ZNF678: variants seen among roughly 807,000 people sequenced by gnomAD.
ZNF678 encodes zinc finger protein 678.
Under a neutral mutation model 3.0 loss-of-function variants are expected in ZNF678, and 5 were observed. That is an observed-to-expected ratio of 1.69 (90% confidence interval 0.88 to 3.56). ZNF678 has a LOEUF of 3.56. Among genes scored for constraint, ZNF678 ranks in the 30% most tolerant of loss-of-function variants. ZNF678 has a pLI of 0.00. For missense variants in ZNF678, 593 were observed against 605.0 expected (o/e 0.98, Z 0.21); for synonymous variants, 218 against 199.6 (o/e 1.09, Z -0.78).
At chr1:227,629,123 G>A (rs1327687957) in intron 1 of ZNF678, among the ~76,000 whole-genome samples, 4 of 152,180 alleles carry the variant, frequency 2.6e-5, no homozygotes, top group Admixed American at 6.5e-5. Flanking sequence ...CTATTGCATG[G>A]TTTTACTAGG....
rs191732736 is a variant in ZNF678 at position 227,574,244 on chromosome 1, C to G, written c.-164+10520C>G. On this transcript the variant is annotated intron_variant, in intron 1 of 3. Transcript: ENST00000343776. ...CTGTTTTTAGTTCTTTGAGGAAGCA[C>G]CACACTGTCTTCCACAATAGCTGAA... is the stretch of plus-strand genomic sequence containing the variant. 1.8e-3 allele frequency among the ~76,000 whole-genome samples: 275 copies of G among 152,306 alleles called. 1 individual carries two copies. Among genetic ancestry groups the G allele is most frequent in the African/African-American group, 6.3e-3 (263 of 41,564 alleles).
chr1:227,596,422 C>G (rs575318336), intron 1 of ZNF678, among the ~76,000 whole-genome samples: 9 of 152,300 alleles, frequency 5.9e-5, no homozygotes, highest in Admixed American at 3.3e-4. Flanking sequence ...CACCAGTAAT[C>G]AGAACGAAAC....
intron 1 of ZNF678, among the ~76,000 whole-genome samples, chr1:227,565,817 T>TCGCCCA (rs1482592590): frequency 6.6e-6 from 1 of 152,138 alleles, no homozygotes; most frequent in Non-Finnish European, 1.5e-5. Context: ...TGGAGCGCAG[T>TCGCCCA]GGCCTGATCT....
chr1:227,669,729 A>T (rs1659569037), intron 5 of ZNF678, among the ~76,000 whole-genome samples: 1 of 152,190 alleles, frequency 6.6e-6, no homozygotes, highest in South Asian at 2.1e-4. Flanking sequence ...CTGCAGATAA[A>T]AAAAACCCAT....
intron 3 of ZNF678, among the ~76,000 whole-genome samples, chr1:227,652,752 T>C (rs1243133216): frequency 3.9e-5 from 6 of 152,162 alleles, no homozygotes; most frequent in Non-Finnish European, 7.4e-5. Context: ...ATTGTTGTTC[T>C]TATGCATATT....
At chr1:227,572,490 T>C (rs1251542855) in intron 1 of ZNF678, among the ~76,000 whole-genome samples, 1 of 152,160 alleles carries the variant, frequency 6.6e-6, no homozygotes, top group Non-Finnish European at 1.5e-5. Context: ...GAAATGCAAT[T>C]GTAGCAAAGG....
At chr1:227,593,352 C>T (rs557888912) in intron 1 of ZNF678, among the ~76,000 whole-genome samples, 17 of 152,190 alleles carry the variant, frequency 1.1e-4, no homozygotes, top group Non-Finnish European at 2.2e-4. Flanking sequence ...AAGTCTTTAA[C>T]TTCGATGACC....
intron 1 of ZNF678, among the ~76,000 whole-genome samples, chr1:227,586,392 G>A (rs999274752): frequency 9.2e-5 from 14 of 152,030 alleles, no homozygotes; most frequent in South Asian, 2.1e-4. Flanking sequence ...AAAAAGTAAA[G>A]CAAGTGAGTA....
intron 1 of ZNF678, among the ~76,000 whole-genome samples, chr1:227,639,072 G>A (rs756600366): frequency 6.6e-6 from 1 of 152,202 alleles, no homozygotes; most frequent in Non-Finnish European, 1.5e-5. Flanking sequence ...TGGCCTGCTC[G>A]GGAAGGGATG....
chr1:227,580,052 C>T (rs1019067544), intron 1 of ZNF678, among the ~76,000 whole-genome samples: 4 of 152,270 alleles, frequency 2.6e-5, no homozygotes, highest in South Asian at 4.2e-4. Context: ...TCTTCCTGCT[C>T]GGGGTTCCAG....
In ZNF678 at chr1:227,599,074, C is replaced by T. The variant is rs762541115; in HGVS notation, c.-164+35350C>T. The T allele has an allele frequency of 3.6e-4, 571 of 1,597,048 alleles. 1 individual carries two copies. The highest frequency in any genetic ancestry group is 4.4e-4 in the Non-Finnish European group (514 of 1,168,032). ...GATTCAAATAATCCTGTATTGTTGGCCCTGAAGACTGGATTGGACCCCTTG... is the reference window on the plus strand; with the variant it reads ...GATTCAAATAATCCTGTATTGTTGGTCCTGAAGACTGGATTGGACCCCTTG... On this transcript the variant is annotated intron_variant, in intron 1 of 3. Transcript: ENST00000343776.
chr1:227,633,901 G>A (rs553616919), intron 1 of ZNF678, among the ~76,000 whole-genome samples: 32 of 152,310 alleles, frequency 2.1e-4, no homozygotes, highest in African/African-American at 7.7e-4. Context: ...GCAGCTAAGG[G>A]AATGCTGACA....
rs145400973 is a variant in ZNF678 at position 227,639,457 on chromosome 1, T to G, written c.-163-7087T>G. Among the ~76,000 whole-genome samples, 603 of 152,340 alleles carry G rather than the reference T, an allele frequency of 4.0e-3. 5 individuals carry two copies. Among genetic ancestry groups the G allele is most frequent in the African/African-American group, 0.014 (586 of 41,586 alleles). On this transcript the variant is annotated intron_variant, in intron 1 of 3. Coordinates refer to ENST00000343776, the MANE Select transcript of ZNF678 (RefSeq NM_001367909.1). ...AAGCTTCTGAAGCTTGCACCAAATA[T>G]CAGGGTTGGATTGGGAGATGAACCG...
intron 1 of ZNF678, among the ~76,000 whole-genome samples, chr1:227,574,445 G>A (rs1458689350): frequency 1.3e-5 from 2 of 152,204 alleles, no homozygotes; most frequent in African/African-American, 4.8e-5. Flanking sequence ...TTTGAAATAT[G>A]ATTTTTGGTT....
At chr1:227,639,627 G>T (rs1658768363) in intron 1 of ZNF678, among the ~76,000 whole-genome samples, 1 of 152,276 alleles carries the variant, frequency 6.6e-6, no homozygotes, top group African/African-American at 2.4e-5. Flanking sequence ...CTTTTTGAGT[G>T]CTGCAAGGAG....
At chr1:227,585,386 T>C (rs1387729747) in intron 1 of ZNF678, among the ~76,000 whole-genome samples, 1 of 152,178 alleles carries the variant, frequency 6.6e-6, no homozygotes, top group Non-Finnish European at 1.5e-5. Flanking sequence ...CTTAAATGGC[T>C]AATAAGTGAA....
At chr1:227,593,510 G>A (rs1250126441) in intron 1 of ZNF678, among the ~76,000 whole-genome samples, 4 of 152,124 alleles carry the variant, frequency 2.6e-5, no homozygotes, top group Non-Finnish European at 2.9e-5. Context: ...TGGCACTGGG[G>A]TCTTTATCGA....
Position 227,661,351 on chromosome 1 carries a change from T to A in ZNF678, c.*5523T>A, listed in dbSNP as rs1659401426. 6.6e-6 allele frequency: 1 copy of A among 152,074 alleles called. No homozygotes were observed. The highest frequency in any genetic ancestry group is 1.5e-5 in the Non-Finnish European group (1 of 68,006). 9.4% of individuals were successfully genotyped at this position (152,074 alleles called of 1,614,324 possible). On this transcript the variant is annotated 3_prime_UTR_variant, in exon 4 of 4. Transcript: ENST00000343776. ...CAGCAGGGGACCCCTGTTTTGTCTA[T>A]GTCAAGAACAAAGACCAGGCAAAAG...
chr1:227,604,475 T>C (rs1344907868), intron 1 of ZNF678, among the ~76,000 whole-genome samples: 1 of 152,146 alleles, frequency 6.6e-6, no homozygotes, highest in Non-Finnish European at 1.5e-5. Context: ...TGCCTCCACC[T>C]CCCAATCTCA....
Sources: allele counts gnomAD v4.1 joint callset (sites outside exome capture counted in the v4.1 genomes callset), GRCh38; gene constraint gnomAD v4.1.1; transcripts MANE v1.5; gene names NCBI Gene and HGNC (gene_info 2026-07-23, HGNC 2026-07-21).